Variants in NEB observed in about 807,000 individuals in gnomAD.
The protein encoded by NEB is nebulin.
Under a neutral mutation model 952.2 loss-of-function variants are expected in NEB, and 512 were observed. The observed-to-expected ratio is 0.54, with a 90% CI of 0.50 to 0.58. NEB has a LOEUF of 0.58. Ranked by LOEUF, NEB falls within the 20% of genes least tolerant of loss-of-function variation. NEB has a pLI of 0.00. For synonymous variants in NEB, 2,900 were observed against 3,149.8 expected (o/e 0.92, Z 2.66); for missense variants, 8,428 against 9,231.1 (o/e 0.91, Z 3.56).
At chr2:151,703,074 G>A (rs1486312348) in intron 13 of NEB, among the ~76,000 whole-genome samples, 1 of 150,692 alleles carries the variant, frequency 6.6e-6, no homozygotes, top group East Asian at 1.9e-4. Context: ...AAATCTCTCA[G>A]CATTTGCTTG....
Position 151,638,849 on chromosome 2 carries a change from G to A in NEB, c.8994+431C>T, listed in dbSNP as rs909679952. The stretch of plus-strand genomic sequence containing the variant: ...TGTGTGTGTGTGTGTGGGTTACCTG[G>A]TAGTACTGTGGATTTTAGTTCTTGC... On this transcript the variant is annotated intron_variant, in intron 63 of 181. Transcript: ENST00000397345. 5.9e-5 allele frequency among the ~76,000 whole-genome samples: 9 copies of A among 151,348 alleles called. No individual in the cohort carries two copies. In the Middle Eastern group the frequency reaches 0.014, roughly 229 times the overall value.
chr2:151,612,402 T>A lies in NEB; in HGVS notation c.11602-13A>T, dbSNP rs886054941. The A allele has an allele frequency of 2.5e-6, 4 of 1,608,242 alleles. No individual in the cohort carries two copies. Among genetic ancestry groups the A allele is most frequent in the Non-Finnish European group, 3.4e-6 (4 of 1,175,094 alleles). On this transcript the variant is annotated splice_polypyrimidine_tract_variant and intron_variant, in intron 77 of 181. Coordinates refer to ENST00000397345, the MANE Select transcript of NEB (RefSeq NM_001164508.2). ...ATTTGTAAATAGCCTGAAAATGAAA[T>A]AATGTCAAATATTTATAGATGTCAC...
chr2:151,516,498 C>T lies in NEB; in HGVS notation c.22866G>A (p.Thr7622=), dbSNP rs1009687072. ...GCTGAGACTCTTTGGCAGTGATGTA[C>T]GTTGGTGTTTCAAAGTCCAGCATGG... ...GKPMLDFETP[T]YITAKESQQM... Residue 7622 remains threonine (T), a synonymous_variant, in exon 157 of 182, where the codon ACG becomes ACA. Transcript: ENST00000397345. The T allele has an allele frequency of 5.0e-6, 8 of 1,613,408 alleles. No homozygotes were observed. The highest frequency in any genetic ancestry group is 1.3e-5 in the African/African-American group (1 of 75,024).
chr2:151,733,899 G>A (rs947614209), intron 1 of NEB, 104 bp from the exon 2 acceptor site: 1 of 152,130 alleles, frequency 6.6e-6, no homozygotes, highest in African/African-American at 2.4e-5. Context: ...ATCTCTCAAG[G>A]CCTCTACAGT....
intron 23 of NEB, among the ~76,000 whole-genome samples, 164 bp from the exon 24 acceptor site, chr2:151,690,989 CTT>C (rs2099545205): frequency 6.6e-6 from 1 of 152,080 alleles, no homozygotes; most frequent in African/African-American, 2.4e-5. Flanking sequence ...CTCTCTCTCT[CTT>C]TTTCCTTTAA....
intron 120 of NEB, 93 bp downstream of exon 120, chr2:151,562,518 G>A: frequency 8.0e-7 from 1 of 1,252,740 alleles, no homozygotes; most frequent in Non-Finnish European, 1.1e-6. Flanking sequence ...ATGAATACAG[G>A]GACAACGGGA....
rs1272060015 is a variant in NEB, at chr2:151,575,653, G to A, written c.17013+42C>T. On this transcript the variant is annotated intron_variant, in intron 107 of 181. Transcript: ENST00000397345. ...CATGCTCATAGTATAGCCCTGACTG[G>A]GTAACTTTCCAAACAAAAAGAGAGT... 2.2e-6 allele frequency: 3 copies of A among 1,363,320 alleles called. No homozygotes were observed. The South Asian group carries it at 3.5e-5, about 16-fold the overall frequency. The allele number at this position is 1,363,320 out of a possible 1,614,324, so 84.5% of individuals were successfully genotyped here.
At chr2:151,512,434 T>G (rs2075263294) in intron 161 of NEB, among the ~76,000 whole-genome samples, 1 of 152,018 alleles carries the variant, frequency 6.6e-6, no homozygotes, top group South Asian at 2.1e-4. Flanking sequence ...CAATTGATCT[T>G]CCCACCTCAG....
chr2:151,662,604 T>C lies in NEB; in HGVS notation c.5764-263A>G, dbSNP rs115659414. Among the ~76,000 whole-genome samples the C allele has an allele frequency of 2.9e-3, 436 of 152,312 alleles. 1 individual carries two copies. Among genetic ancestry groups the C allele is most frequent in the African/African-American group, 0.01 (416 of 41,578 alleles). On this transcript the variant is annotated intron_variant, in intron 45 of 181. Coordinates refer to ENST00000397345, the MANE Select transcript of NEB (RefSeq NM_001164508.2). The stretch of plus-strand genomic sequence containing the variant: ...TGTCTTTGTGACTTGTTTTTCTCAA[T>C]GCCTTCATAAAGAAAAAGTACTAAG...
chr2:151,610,671 G>C lies in NEB; in HGVS notation c.11911-48C>G, dbSNP rs147475315. On this transcript the variant is annotated intron_variant, in intron 79 of 181. Coordinates refer to ENST00000397345, the MANE Select transcript of NEB (RefSeq NM_001164508.2). ...CAGAAAATAAGAGTGTTTGAGGAAG[G>C]TAATAGGCCAATTCCAGAAAGGAAA... 7 of 1,572,856 alleles carry C rather than the reference G, an allele frequency of 4.5e-6. No individual in the cohort carries two copies. In the South Asian group the frequency reaches 6.7e-5, roughly 15 times the overall value.
intron 71 of NEB, among the ~76,000 whole-genome samples, chr2:151,622,035 A>C (rs377317466): frequency 6.6e-6 from 1 of 152,140 alleles, no homozygotes; most frequent in South Asian, 2.1e-4. Context: ...TTTTTGAGAC[A>C]GTCTCACTCT....
chr2:151,719,919 C>T (rs900194755), intron 9 of NEB, among the ~76,000 whole-genome samples: 2 of 144,736 alleles, frequency 1.4e-5, no homozygotes, highest in Non-Finnish European at 3.0e-5. Flanking sequence ...AAACTGAAGA[C>T]TTCATTTTAG....
At chr2:151,551,188 C>T (rs2095311083) in intron 129 of NEB, among the ~76,000 whole-genome samples, 2 of 151,882 alleles carry the variant, frequency 1.3e-5, no homozygotes, top group Middle Eastern at 3.4e-3. Context: ...AGGCTGGTCT[C>T]GAACTCCTGA....
chr2:151,637,064 G>T (rs572079091), intron 63 of NEB, among the ~76,000 whole-genome samples: 1 of 152,170 alleles, frequency 6.6e-6, no homozygotes. Context: ...GTCTCTGACT[G>T]TGCGGGGTAC....
In NEB at chr2:151,616,036, T is replaced by G; in HGVS notation, c.11255A>C (p.Gln3752Pro). 2 of 1,613,218 alleles carry G rather than the reference T, an allele frequency of 1.2e-6. No individual in the cohort carries two copies. The highest frequency in any genetic ancestry group is 1.7e-6 in the Non-Finnish European group (2 of 1,179,618). The part of the protein sequence containing the change: ...YDLRLDAIPI[Q>P]AAKASRDIAS... Reference sequence around the variant, plus strand: ...AATATCTCTTGAAGCCTTGGCTGCTTGGATTGGAATGGCATCCAGACGCAA... The same window carrying G: ...AATATCTCTTGAAGCCTTGGCTGCTGGGATTGGAATGGCATCCAGACGCAA... Residue 3752 changes from glutamine to proline, a missense_variant, in exon 76 of 182, where the codon CAA becomes CCA. This residue lies in a region of NEB where 1,772 missense variants were observed against 1,960.3 expected (regional missense o/e 0.90). Coordinates refer to ENST00000397345, the MANE Select transcript of NEB (RefSeq NM_001164508.2).
chr2:151,677,565 A>G lies in NEB; in HGVS notation c.3774T>C (p.Asp1258=), dbSNP rs761903657. The change falls in exon 34 of 182, where the codon GAT becomes GAC. Residue 1258 remains aspartate (D), a splice_region_variant and synonymous_variant. Coordinates refer to ENST00000397345, the MANE Select transcript of NEB (RefSeq NM_001164508.2). Reference sequence around the variant, plus strand: ...GTCCTCTCTATTTTATTGTACTCACATCACTGACTTGCTTCGTGTTCTGTT... The same window carrying G: ...GTCCTCTCTATTTTATTGTACTCACGTCACTGACTTGCTTCGTGTTCTGTT... The part of the protein sequence containing the change: ...QAKQNTKQVS[D]ILYKAKGEDV... 4.3e-6 allele frequency: 7 copies of G among 1,611,756 alleles called. No individual in the cohort carries two copies. The Admixed American group carries it at 8.3e-5, about 19-fold the overall frequency.
intron 3 of NEB, among the ~76,000 whole-genome samples, chr2:151,730,542 CAGA>C (rs1048976268): frequency 3.1e-5 from 4 of 130,194 alleles, no homozygotes; most frequent in African/African-American, 6.0e-5. Context: ...GTAGGGTGAA[CAGA>C]AGGAGAGGCT....
In NEB at chr2:151,611,478, G is replaced by A. The variant is rs115047526; in HGVS notation, c.11806-612C>T. Among the ~76,000 whole-genome samples the A allele has an allele frequency of 6.7e-3, 1,019 of 152,246 alleles. 12 individuals carry two copies. Among genetic ancestry groups the A allele is most frequent in the African/African-American group, 0.023 (963 of 41,538 alleles). ...CTAGAGTTGTATACCCCAGACTCTG[G>A]AGTTTGCTATCTGAAGCCACTTTCA... On this transcript the variant is annotated intron_variant, in intron 78 of 181. Transcript: ENST00000397345.
intron 68 of NEB, among the ~76,000 whole-genome samples, chr2:151,628,869 TCAAA>T (rs377274148): frequency 8.0e-5 from 12 of 150,190 alleles, no homozygotes; most frequent in South Asian, 2.1e-4. Flanking sequence ...AGACTCTGTC[TCAAA>T]CAAACAAACA....
Sources: allele counts gnomAD v4.1 joint callset (sites outside exome capture counted in the v4.1 genomes callset), GRCh38; gene constraint gnomAD v4.1.1; regional missense constraint gnomAD v4.1.1; transcripts MANE v1.5; gene names NCBI Gene and HGNC (gene_info 2026-07-23, HGNC 2026-07-21).